PLEKHA8: variants seen among roughly 807,000 people sequenced by gnomAD.
PLEKHA8 encodes pleckstrin homology domain-containing family A member 8.
A neutral mutation model predicts 68.2 loss-of-function variants in PLEKHA8; 36 were observed. The ratio of observed to expected loss-of-function variants is 0.53; its 90% CI spans 0.40 to 0.70. The LOEUF (loss-of-function observed/expected upper bound fraction) is 0.70, where lower values mean the gene tolerates loss of function less well. PLEKHA8 is among the 30% of genes least tolerant of loss of function. The pLI, the probability that PLEKHA8 is intolerant of heterozygous loss-of-function variation, is 0.00. For missense variants in PLEKHA8, 505 were observed against 615.4 expected (o/e 0.82, Z 1.90); for synonymous variants, 211 against 216.1 (o/e 0.98, Z 0.20).
In PLEKHA8 at chr7:30,028,417, G is replaced by C. The variant is rs1055083065; in HGVS notation, c.-346G>C. 4.2e-6 allele frequency: 1 copy of C among 237,204 alleles called. No homozygotes were observed. The highest frequency in any genetic ancestry group is 7.7e-5 in the East Asian group (1 of 12,940). The allele number at this position is 237,204 out of a possible 1,614,324, so 14.7% of individuals were successfully genotyped here. A position where few individuals can be genotyped will look rare whatever the true frequency, so the allele number is the denominator to read the frequency against. The stretch of plus-strand genomic sequence containing the variant: ...GGCGAGTCGAGGGTTCAGGTGGTGC[G>C]CCGTGGCGCCGCCTGCGACCGGCAG... On this transcript the variant is annotated 5_prime_UTR_variant, in exon 1 of 14. Transcript: ENST00000449726.
intron 13 of PLEKHA8, chr7:30,115,899 C>T (rs527429560): frequency 1.4e-5 from 2 of 139,934 alleles, no homozygotes; most frequent in East Asian, 4.3e-4. Context: ...CGTATACATG[C>T]ATGTATACAT....
intron 13 of PLEKHA8, among the ~76,000 whole-genome samples, chr7:30,114,809 T>A (rs1796376564): frequency 6.6e-6 from 1 of 152,194 alleles, no homozygotes; most frequent in Non-Finnish European, 1.5e-5. Context: ...CTTTTTTGGC[T>A]GTTTATCATT....
chr7:30,125,864 A>AT (rs889262323), intron 13 of PLEKHA8, among the ~76,000 whole-genome samples: 7 of 152,090 alleles, frequency 4.6e-5, no homozygotes, highest in African/African-American at 1.2e-4. Flanking sequence ...TATAAATCAG[A>AT]TTTTTTTAAT....
intron 13 of PLEKHA8, among the ~76,000 whole-genome samples, chr7:30,128,495 A>G (rs1796819981): frequency 6.6e-6 from 1 of 151,926 alleles, no homozygotes; most frequent in Non-Finnish European, 1.5e-5. Context: ...TTATGATTAC[A>G]CTTAATTGGA....
At chr7:30,101,317 C>T (rs1042594265) in intron 13 of PLEKHA8, among the ~76,000 whole-genome samples, 14 of 152,218 alleles carry the variant, frequency 9.2e-5, no homozygotes, top group Non-Finnish European at 1.9e-4. Context: ...GTTGAGGCTG[C>T]TGTAATAAAA....
intron 13 of PLEKHA8, among the ~76,000 whole-genome samples, chr7:30,116,398 T>C (rs1796564485): frequency 6.6e-6 from 1 of 152,086 alleles, no homozygotes; most frequent in South Asian, 2.1e-4. Context: ...ATTTTTCACC[T>C]AATAGTGTAT....
intron 13 of PLEKHA8, among the ~76,000 whole-genome samples, chr7:30,124,538 T>C (rs757374235): frequency 4.6e-5 from 7 of 152,152 alleles, no homozygotes; most frequent in Admixed American, 6.5e-5. Context: ...CTTAGCAAAG[T>C]TTGCCTAATT....
At chr7:30,051,592 CT>C (rs1383626382) in intron 6 of PLEKHA8, among the ~76,000 whole-genome samples, 2 of 152,058 alleles carry the variant, frequency 1.3e-5, no homozygotes, top group Admixed American at 6.6e-5. Flanking sequence ...TGTTAATTGG[CT>C]TTTTCTGTTA....
intron 1 of PLEKHA8, among the ~76,000 whole-genome samples, chr7:30,029,161 G>A (rs545857896): frequency 2.0e-4 from 31 of 152,334 alleles, no homozygotes; most frequent in African/African-American, 6.7e-4. Flanking sequence ...CGAAGGAACC[G>A]TACTCCCTTG....
At position 30,034,477 on chromosome 7, in the gene PLEKHA8, C is replaced by T. The variant is rs1291892898; in HGVS notation, c.40+5675C>T. Among the ~76,000 whole-genome samples, 31 of 152,068 alleles carry T rather than the reference C, an allele frequency of 2.0e-4. 1 individual carries two copies. The highest frequency in any genetic ancestry group is 2.0e-3 in the Admixed American group (31 of 15,272). ...CCAGTAGCCTGCGAATAACCAAAAG[C>T]CTTATGAATAACTTTAACAATTAAC... On this transcript the variant is annotated intron_variant, in intron 1 of 13. Coordinates refer to ENST00000449726, the MANE Select transcript of PLEKHA8 (RefSeq NM_001197026.2).
At chr7:30,056,781 G>GTATATATATATGTTA (rs1793009330) in intron 9 of PLEKHA8, among the ~76,000 whole-genome samples, 1 of 86,106 alleles carries the variant, frequency 1.2e-5, no homozygotes, top group Non-Finnish European at 2.5e-5. Flanking sequence ...GTGTGTGTGT[G>GTATATATATATGTTA]TGTGTATATA....
intron 13 of PLEKHA8, among the ~76,000 whole-genome samples, chr7:30,114,154 C>T (rs1015217342): frequency 6.6e-6 from 1 of 152,182 alleles, no homozygotes; most frequent in Admixed American, 6.5e-5. Context: ...CCACCTCAGT[C>T]CCCCAAAGTG....
rs1181774208 is a variant in PLEKHA8 at position 30,080,784 on chromosome 7, A to T, written c.*1997A>T. 2 of 985,230 alleles carry T rather than the reference A, an allele frequency of 2.0e-6. No individual in the cohort carries two copies. Among genetic ancestry groups the T allele is most frequent in the East Asian group, 2.3e-4 (2 of 8,822 alleles). 61.0% of individuals were successfully genotyped at this position (985,230 alleles called of 1,614,324 possible). On this transcript the variant is annotated 3_prime_UTR_variant, in exon 14 of 14. Coordinates refer to ENST00000449726, the MANE Select transcript of PLEKHA8 (RefSeq NM_001197026.2). ...AGATCTCCTTCTCTGATTAGTATGA[A>T]TATGATGGCAGGACTCGGGGATAGT...
intron 13 of PLEKHA8, among the ~76,000 whole-genome samples, chr7:30,104,615 A>G (rs1468017325): frequency 6.6e-6 from 1 of 152,130 alleles, no homozygotes; most frequent in African/African-American, 2.4e-5. Flanking sequence ...TTTATATGAA[A>G]TTCCAAAACA....
chr7:30,056,724 C>CAA (rs1195453987), intron 9 of PLEKHA8, among the ~76,000 whole-genome samples: 9 of 39,860 alleles, frequency 2.3e-4, no homozygotes, highest in African/African-American at 5.1e-4. Context: ...CAGCCTGTCT[C>CAA]AAAAAAAAAA....
chr7:30,100,357 C>T (rs1383937489), intron 13 of PLEKHA8, among the ~76,000 whole-genome samples: 1 of 152,066 alleles, frequency 6.6e-6, no homozygotes, highest in Non-Finnish European at 1.5e-5. Context: ...TCAAGACCAG[C>T]CTGGCCAACA....
chr7:30,068,112 A>C (rs1473755959), intron 12 of PLEKHA8, among the ~76,000 whole-genome samples: 1 of 152,146 alleles, frequency 6.6e-6, no homozygotes, highest in Non-Finnish European at 1.5e-5. Context: ...GTGGTTCTCA[A>C]ACTCTAACCT....
chr7:30,085,344 G>A (rs775783943), downstream of PLEKHA8, among the ~76,000 whole-genome samples: 2 of 152,120 alleles, frequency 1.3e-5, no homozygotes, highest in African/African-American at 2.4e-5. Flanking sequence ...TTAAGCATTC[G>A]AGAAAGGCTC....
chr7:30,091,255 T>C (rs546254392), downstream of PLEKHA8, among the ~76,000 whole-genome samples: 1 of 152,038 alleles, frequency 6.6e-6, no homozygotes, highest in South Asian at 2.1e-4. Context: ...GATTTTGTTT[T>C]ACTCTTTTTT....
Sources: gnomAD v4.1 joint callset for allele counts (sites outside exome capture counted in the v4.1 genomes callset) on GRCh38, gnomAD v4.1.1 for gene constraint, MANE v1.5 for transcripts, NCBI Gene and HGNC (gene_info 2026-07-23, HGNC 2026-07-21) for gene names.